Variants in MSH4 observed in about 807,000 individuals in gnomAD.
MSH4 encodes mutS homolog 4.
Under a neutral mutation model 113.7 loss-of-function variants are expected in MSH4, and 106 were observed. The ratio of observed to expected loss-of-function variants is 0.93; its 90% CI spans 0.80 to 1.10. The LOEUF is 1.10. MSH4 is among the 50% of genes least tolerant of loss of function. The probability of loss-of-function intolerance (pLI) is 0.00; values close to 1 mark genes in which losing one functional copy is unlikely to be tolerated. For missense variants in MSH4, 1,061 were observed against 1,093.7 expected (o/e 0.97, Z 0.42); for synonymous variants, 368 against 380.2 (o/e 0.97, Z 0.37).
rs773595755 is a variant in MSH4, at chr1:75,816,382, C to A, written c.825C>A (p.Cys275Ter). The part of the protein sequence containing the change: ...VLMEVQSKYY[C>*]LAAVAALLKY... ...ATTGGTCATCTTTTAGGTATTACTG[C>A]CTTGCAGCTGTTGCAGCTTTGTTAA... The change falls in exon 6 of 20, where the codon TGC becomes TGA. Residue 275 changes from cysteine to a stop codon, truncating the protein, a stop_gained. Coordinates refer to ENST00000263187, the MANE Select transcript of MSH4 (RefSeq NM_002440.4). LOFTEE classifies it high-confidence loss of function. The A allele has an allele frequency of 6.2e-7, 1 of 1,600,158 alleles. No homozygotes were observed. The highest frequency in any genetic ancestry group is 8.5e-7 in the Non-Finnish European group (1 of 1,171,630).
Position 75,878,097 on chromosome 1 carries a change from A to G in MSH4, c.1371-52A>G, listed in dbSNP as rs368244818. ...ATTGTGATTCAAATTATAAATTAAA[A>G]TAACTCTTTGACTTATTGCCTATAA... On this transcript the variant is annotated intron_variant, in intron 10 of 19. Transcript: ENST00000263187. The G allele has an allele frequency of 2.2e-4, 293 of 1,303,516 alleles. 1 individual carries two copies. The African/African-American group carries it at 4.2e-3, about 19-fold the overall frequency. The allele number at this position is 1,303,516 out of a possible 1,614,324, so 80.7% of individuals were successfully genotyped here.
intron 19 of MSH4, among the ~76,000 whole-genome samples, chr1:75,910,390 T>TTGATTATTTCTTCTG (rs1553140838): frequency 6.6e-6 from 1 of 152,016 alleles, no homozygotes; most frequent in African/African-American, 2.4e-5. Context: ...TCCTACCTGT[T>TTGATTATTTCTTCTG]TGATTATTTC....
Position 75,883,788 on chromosome 1 carries a change from C to A in MSH4, c.2074C>A (p.Gln692Lys). The change falls in exon 15 of 20, where the codon CAG becomes AAG. Residue 692 changes from glutamine to lysine, a missense_variant. Coordinates refer to ENST00000263187, the MANE Select transcript of MSH4 (RefSeq NM_002440.4). ...NMSGKSTYLK[Q>K]IALCQIMAQI... ...GAGTGGAAAATCCACATATTTAAAA[C>A]AGATTGCTCTTTGTCAGATTATGGC... is the stretch of plus-strand genomic sequence containing the variant. 1 of 1,612,860 alleles carries A rather than the reference C, an allele frequency of 6.2e-7. No homozygotes were observed. The highest frequency in any genetic ancestry group is 8.5e-7 in the Non-Finnish European group (1 of 1,179,454).
In MSH4 at chr1:75,913,035, C is replaced by A; in HGVS notation, c.*148C>A. 2 of 388,644 alleles carry A rather than the reference C, an allele frequency of 5.1e-6. No homozygotes were observed. The highest frequency in any genetic ancestry group is 8.8e-6 in the Non-Finnish European group (2 of 226,560). The allele number at this position is 388,644 out of a possible 1,614,324, so 24.1% of individuals were successfully genotyped here. A position where few individuals can be genotyped will look rare whatever the true frequency, so the allele number is the denominator to read the frequency against. ...ACATCACAATTGTCATCTATATATT[C>A]TATATGAAAAATATTTATTATAACT... On this transcript the variant is annotated 3_prime_UTR_variant, in exon 20 of 20. Transcript: ENST00000263187.
intron 9 of MSH4, among the ~76,000 whole-genome samples, chr1:75,873,158 C>T (rs1236642025): frequency 2.0e-5 from 3 of 152,006 alleles, no homozygotes; most frequent in Non-Finnish European, 4.4e-5. Context: ...ATTTTTTTTC[C>T]AATTGGTCTC....
chr1:75,852,298 A>T (rs1056188523), intron 8 of MSH4, among the ~76,000 whole-genome samples: 10 of 152,292 alleles, frequency 6.6e-5, no homozygotes, highest in African/African-American at 2.4e-4. Context: ...ATGGCTATTT[A>T]GGTTGTTTTC....
Position 75,807,027 on chromosome 1 carries a change from A to G in MSH4, c.474A>G (p.Val158=). 1 of 1,584,198 alleles carries G rather than the reference A, an allele frequency of 6.3e-7. No homozygotes were observed. Among genetic ancestry groups the G allele is most frequent in the Non-Finnish European group, 8.5e-7 (1 of 1,170,952 alleles). The change falls in exon 3 of 20, where the codon GTA becomes GTG. Residue 158 remains valine, a synonymous_variant. Coordinates refer to ENST00000263187, the MANE Select transcript of MSH4 (RefSeq NM_002440.4). ...CTGCACACTCCCCATCAGTTATTGTAGCTGTTGTAGAAGGGAGAGGACTTG... is the reference window on the plus strand; with the variant it reads ...CTGCACACTCCCCATCAGTTATTGTGGCTGTTGTAGAAGGGAGAGGACTTG... ...AISAHSPSVI[V]AVVEGRGLAR...
intron 15 of MSH4, among the ~76,000 whole-genome samples, chr1:75,885,059 G>GTGTGTGTGTGTGTA (rs1300289205): frequency 1.1e-3 from 119 of 112,486 alleles, no homozygotes; most frequent in Middle Eastern, 5.0e-3. Context: ...GTGTGTGTGT[G>GTGTGTGTGTGTGTA]TATATATATA....
At chr1:75,814,668 A>G (rs1650259540) in intron 4 of MSH4, among the ~76,000 whole-genome samples, 2 of 152,182 alleles carry the variant, frequency 1.3e-5, no homozygotes, top group Admixed American at 6.5e-5. Context: ...ACTAAAAGGC[A>G]TAGATTTTAG....
At chr1:75,901,689 G>A (rs569795878) in intron 19 of MSH4, among the ~76,000 whole-genome samples, 23 of 151,988 alleles carry the variant, frequency 1.5e-4, no homozygotes, top group Non-Finnish European at 2.9e-4. Context: ...TAGGACTGCT[G>A]GATCATATGA....
At chr1:75,823,481 A>G (rs1427063374) in intron 7 of MSH4, among the ~76,000 whole-genome samples, 1 of 152,132 alleles carries the variant, frequency 6.6e-6, no homozygotes, top group East Asian at 1.9e-4. Context: ...TAAATTCTGG[A>G]ATACATGTGC....
At chr1:75,897,739 A>G (rs779794833) in intron 17 of MSH4, among the ~76,000 whole-genome samples, 168 bp from the exon 18 acceptor site, 11 of 152,192 alleles carry the variant, frequency 7.2e-5, no homozygotes, top group Non-Finnish European at 1.3e-4. Flanking sequence ...ATCTCAAAAC[A>G]TTTTAAAATG....
chr1:75,796,985 G>A lies in MSH4; in HGVS notation c.-1G>A, dbSNP rs2100495688. 1 of 1,613,986 alleles carries A rather than the reference G, an allele frequency of 6.2e-7. No individual in the cohort carries two copies. Among genetic ancestry groups the A allele is most frequent in the Non-Finnish European group, 8.5e-7 (1 of 1,180,022 alleles). The stretch of plus-strand genomic sequence containing the variant: ...TCTCGGGTCAGGGAAGGTTTGGGAG[G>A]ATGCTGAGGCCTGAGATCTCATCAA... On this transcript the variant is annotated 5_prime_UTR_variant, in exon 1 of 20. Transcript: ENST00000263187.
chr1:75,880,868 A>G (rs1397545275), intron 13 of MSH4, among the ~76,000 whole-genome samples: 1 of 152,018 alleles, frequency 6.6e-6, no homozygotes, highest in African/African-American at 2.4e-5. Context: ...TGTTGAACTT[A>G]ACATTTGCAA....
chr1:75,854,400 G>A (rs2100550851), intron 8 of MSH4, among the ~76,000 whole-genome samples: 1 of 152,184 alleles, frequency 6.6e-6, no homozygotes, highest in African/African-American at 2.4e-5. Context: ...TCAGGCTCAA[G>A]CTGCCCTTCT....
At chr1:75,859,020 C>G (rs1651387699) in intron 8 of MSH4, among the ~76,000 whole-genome samples, 1 of 152,102 alleles carries the variant, frequency 6.6e-6, no homozygotes, top group Admixed American at 6.6e-5. Context: ...GGAATTTATC[C>G]ATTTCTTCTA....
At chr1:75,884,306 C>T (rs1652005623) in intron 15 of MSH4, among the ~76,000 whole-genome samples, 1 of 152,038 alleles carries the variant, frequency 6.6e-6, no homozygotes, top group Non-Finnish European at 1.5e-5. Flanking sequence ...ATTATACATA[C>T]ACATGTGCAT....
intron 7 of MSH4, among the ~76,000 whole-genome samples, chr1:75,828,370 C>G (rs942143829): frequency 1.3e-5 from 2 of 152,158 alleles, no homozygotes; most frequent in African/African-American, 4.8e-5. Context: ...ATGTTTATTG[C>G]AACATTATTC....
chr1:75,845,218 T>C (rs1354158723), intron 7 of MSH4, among the ~76,000 whole-genome samples: 1 of 152,182 alleles, frequency 6.6e-6, no homozygotes, highest in Non-Finnish European at 1.5e-5. Context: ...TTCATGTCCT[T>C]CTCACATGCA....
Sources: allele counts gnomAD v4.1 joint callset (sites outside exome capture counted in the v4.1 genomes callset), GRCh38; gene constraint gnomAD v4.1.1; transcripts MANE v1.5; gene names NCBI Gene and HGNC (gene_info 2026-07-23, HGNC 2026-07-21).